CACNG2: variants seen among roughly 807,000 people sequenced by gnomAD.
CACNG2 encodes calcium voltage-gated channel auxiliary subunit gamma 2.
CACNG2 carries 3 observed loss-of-function variants against 25.9 expected under a neutral mutation model. The observed-to-expected ratio is 0.12, with a 90% CI of 0.05 to 0.30. The LOEUF is 0.30. CACNG2 is among the 10% of genes least tolerant of loss of function. The probability of loss-of-function intolerance (pLI) is 1.00; values close to 1 mark genes in which losing one functional copy is unlikely to be tolerated. For missense variants in CACNG2, 341 were observed against 432.5 expected (o/e 0.79, Z 1.88); for synonymous variants, 167 against 173.3 (o/e 0.96, Z 0.29).
chr22:36,593,686 C>A (rs531048917), intron 1 of CACNG2, among the ~76,000 whole-genome samples: 1 of 152,092 alleles, frequency 6.6e-6, no homozygotes, highest in African/African-American at 2.4e-5. Flanking sequence ...GGACACACAG[C>A]CCTGAGGGAC....
chr22:36,684,841 C>G (rs753665037), intron 1 of CACNG2, among the ~76,000 whole-genome samples: 12 of 152,124 alleles, frequency 7.9e-5, no homozygotes, highest in Non-Finnish European at 1.5e-4. Flanking sequence ...AAGCACCCTG[C>G]CCGAGGTGGC....
rs1569035553 is a variant in CACNG2, at chr22:36,632,468, TCC to T, written c.212-44922_212-44921del. 5.8e-4 allele frequency among the ~76,000 whole-genome samples: 47 copies of T among 80,428 alleles called. 2 individuals are homozygous for T. The South Asian group carries it at 0.016, about 27-fold the overall frequency. The allele number at this position is 80,428 out of a possible 152,430, so 52.8% of individuals were successfully genotyped here. A position where few individuals can be genotyped will look rare whatever the true frequency, so the allele number is the denominator to read the frequency against. The stretch of plus-strand genomic sequence containing the variant: ...TAATACTAGGAGATTCTCTCTCCTC[TCC>T]TCTCTCTCTCTCTCTCTCTCTCTCT... On this transcript the variant is annotated intron_variant, in intron 1 of 3. Transcript: ENST00000300105.
intron 1 of CACNG2, among the ~76,000 whole-genome samples, chr22:36,607,361 T>C (rs769959914): frequency 2.0e-5 from 3 of 152,120 alleles, no homozygotes; most frequent in Admixed American, 6.5e-5. Flanking sequence ...TGACAGGTGA[T>C]CCTCCCATCT....
intron 1 of CACNG2, among the ~76,000 whole-genome samples, chr22:36,618,254 G>C (rs1936051848): frequency 1.3e-5 from 2 of 152,200 alleles, no homozygotes; most frequent in African/African-American, 4.8e-5. Flanking sequence ...ACTAGAACCT[G>C]GTGAAACCCA....
intron 1 of CACNG2, among the ~76,000 whole-genome samples, chr22:36,682,149 G>C (rs1375818354): frequency 6.6e-6 from 1 of 152,224 alleles, no homozygotes; most frequent in Non-Finnish European, 1.5e-5. Context: ...GCTTGGGAGG[G>C]TTCCCACAGC....
At chr22:36,689,795 GCCA>G (rs928573734) in intron 1 of CACNG2, among the ~76,000 whole-genome samples, 1 of 152,250 alleles carries the variant, frequency 6.6e-6, no homozygotes, top group Non-Finnish European at 1.5e-5. Context: ...CACGTGGCTG[GCCA>G]CCACAACAGG....
Position 36,607,404 on chromosome 22 carries a change from C to T in CACNG2, c.212-19856G>A, listed in dbSNP as rs115667189. 3.5e-3 allele frequency among the ~76,000 whole-genome samples: 540 copies of T among 152,142 alleles called. 5 individuals carry two copies. The highest frequency in any genetic ancestry group is 0.012 in the African/African-American group (499 of 41,488). On this transcript the variant is annotated intron_variant, in intron 1 of 3. Coordinates refer to ENST00000300105, the MANE Select transcript of CACNG2 (RefSeq NM_006078.5). ...CTGAGTAGCTGGGACTACAGACACG[C>T]GCAATCATGCTCAGCTAATTTTTGT...
intron 1 of CACNG2, among the ~76,000 whole-genome samples, chr22:36,681,634 TCATCACA>T (rs1235170134): frequency 6.6e-6 from 1 of 152,208 alleles, no homozygotes; most frequent in African/African-American, 2.4e-5. Context: ...TTGTCAAAAC[TCATCACA>T]CTGGTGCTGA....
In CACNG2 at chr22:36,683,265, T is replaced by C. The variant is rs73417604; in HGVS notation, c.211+19101A>G. On this transcript the variant is annotated intron_variant, in intron 1 of 3. Transcript: ENST00000300105. ...GTAGCTATGTCTCTTCTCAGCAGTTTAGGGTCTAACAAGACAGTGCTGGAT... is the reference window on the plus strand; with the variant it reads ...GTAGCTATGTCTCTTCTCAGCAGTTCAGGGTCTAACAAGACAGTGCTGGAT... Among the ~76,000 whole-genome samples the C allele has an allele frequency of 3.0e-3, 451 of 152,382 alleles. 5 individuals are homozygous for C. The highest frequency in any genetic ancestry group is 0.01 in the African/African-American group (424 of 41,588).
chr22:36,562,756 C>T lies in CACNG2; in HGVS notation c.*1595G>A, dbSNP rs989987432. 2.6e-5 allele frequency: 4 copies of T among 152,076 alleles called. No individual in the cohort carries two copies. The highest frequency in any genetic ancestry group is 4.4e-5 in the Non-Finnish European group (3 of 68,044). The allele number at this position is 152,076 out of a possible 1,614,324, so 9.4% of individuals were successfully genotyped here. The stretch of plus-strand genomic sequence containing the variant: ...CCTGTGTGCGTGTGGGGTGTGTGGT[C>T]TCTTTCTTTGTTGGATTCTGTCTTC... On this transcript the variant is annotated 3_prime_UTR_variant, in exon 4 of 4. Coordinates refer to ENST00000300105, the MANE Select transcript of CACNG2 (RefSeq NM_006078.5).
intron 1 of CACNG2, among the ~76,000 whole-genome samples, chr22:36,638,492 C>T (rs530444507): frequency 6.6e-6 from 1 of 152,204 alleles, no homozygotes; most frequent in Non-Finnish European, 1.5e-5. Flanking sequence ...TAGTCTTGCA[C>T]TGGTGCCTTT....
chr22:36,631,666 C>T (rs1220113023), intron 1 of CACNG2, among the ~76,000 whole-genome samples: 1 of 152,008 alleles, frequency 6.6e-6, no homozygotes, highest in Non-Finnish European at 1.5e-5. Flanking sequence ...ACTGTCCTGT[C>T]TCACTCTCAG....
intron 1 of CACNG2, among the ~76,000 whole-genome samples, chr22:36,689,167 T>C (rs955532564): frequency 6.6e-6 from 1 of 152,156 alleles, no homozygotes; most frequent in Non-Finnish European, 1.5e-5. Flanking sequence ...GTAACGGTTT[T>C]GATACCTGCC....
chr22:36,631,432 C>A (rs1390886537), intron 1 of CACNG2, among the ~76,000 whole-genome samples: 3 of 152,152 alleles, frequency 2.0e-5, no homozygotes, highest in Non-Finnish European at 4.4e-5. Context: ...CAGTGTCCTT[C>A]AGGGGAAGCT....
intron 1 of CACNG2, among the ~76,000 whole-genome samples, chr22:36,601,837 A>G (rs547128492): frequency 2.6e-5 from 4 of 152,300 alleles, no homozygotes; most frequent in Non-Finnish European, 5.9e-5. Flanking sequence ...ATATACCAGA[A>G]GACATATTGC....
chr22:36,688,539 C>CAAA (rs35964599), intron 1 of CACNG2, among the ~76,000 whole-genome samples: 13 of 70,092 alleles, frequency 1.9e-4, no homozygotes, highest in African/African-American at 5.1e-4. Flanking sequence ...GACCCTGTCT[C>CAAA]AAAAAAAAAA....
chr22:36,695,400 C>T (rs928441582), intron 1 of CACNG2, among the ~76,000 whole-genome samples: 1 of 152,062 alleles, frequency 6.6e-6, no homozygotes. Flanking sequence ...CAGAACAGTA[C>T]CCTTTAACAA....
In CACNG2 at chr22:36,622,572, A is replaced by G. The variant is rs891934915; in HGVS notation, c.212-35024T>C. On this transcript the variant is annotated intron_variant, in intron 1 of 3. Transcript: ENST00000300105. ...AAGCCAAAATATGCCGGGTGAAGGC[A>G]GACATTCGGCTCTGGACCTCTGTGG... 6.6e-4 allele frequency among the ~76,000 whole-genome samples: 100 copies of G among 152,348 alleles called. 1 individual carries two copies. The highest frequency in any genetic ancestry group is 6.5e-3 in the Admixed American group (99 of 15,310).
At chr22:36,683,381 G>A (rs182099305) in intron 1 of CACNG2, among the ~76,000 whole-genome samples, 1 of 152,300 alleles carries the variant, frequency 6.6e-6, no homozygotes, top group Admixed American at 6.5e-5. Flanking sequence ...TTGGATCTAA[G>A]AGATTGAGTC....
Sources: gnomAD v4.1 joint callset for allele counts (sites outside exome capture counted in the v4.1 genomes callset) on GRCh38, gnomAD v4.1.1 for gene constraint, MANE v1.5 for transcripts, NCBI Gene and HGNC (gene_info 2026-07-23, HGNC 2026-07-21) for gene names.